VWF: variants seen among roughly 807,000 people sequenced by gnomAD.
VWF encodes the protein Factor VIII related antigen.
VWF carries 176 observed loss-of-function variants against 308.6 expected under a neutral mutation model. The observed-to-expected ratio is 0.57, with a 90% confidence interval of 0.50 to 0.65. The LOEUF is 0.65. Among genes scored for constraint, VWF ranks in the 30% least tolerant of loss-of-function variants. The probability of loss-of-function intolerance (pLI) is 0.00; values close to 1 mark genes in which losing one functional copy is unlikely to be tolerated. For missense variants in VWF, 3,146 were observed against 3,648.2 expected (o/e 0.86, Z 3.55); for synonymous variants, 1,385 against 1,443.4 (o/e 0.96, Z 0.92).
chr12:6,005,170 C>T (rs956755190), intron 34 of VWF, among the ~76,000 whole-genome samples: 8 of 152,012 alleles, frequency 5.3e-5, no homozygotes, highest in Non-Finnish European at 8.8e-5. Context: ...TAAAACATAC[C>T]ATAAAGCCTT....
intron 38 of VWF, 96 bp downstream of exon 38, chr12:5,991,723 G>T: frequency 7.3e-7 from 1 of 1,361,980 alleles, no homozygotes; most frequent in Non-Finnish European, 1.0e-6. Context: ...CAACCCTGCT[G>T]CCACAGTTGG....
At chr12:6,074,882 T>C (rs1030882393) in intron 7 of VWF, among the ~76,000 whole-genome samples, 2 of 151,890 alleles carry the variant, frequency 1.3e-5, no homozygotes, top group Non-Finnish European at 2.9e-5. Context: ...AGGAGAGAGA[T>C]TTAATAAAAG....
chr12:5,954,577 T>C (rs1216171704), intron 47 of VWF, among the ~76,000 whole-genome samples: 3 of 152,136 alleles, frequency 2.0e-5, no homozygotes, highest in African/African-American at 7.2e-5. Context: ...AGCAGACAGT[T>C]TGGAACTGCT....
rs1049624991 is a variant in VWF, at chr12:6,073,673, G to A, written c.943C>T (p.Leu315=). Residue 315 remains leucine, a synonymous_variant, in exon 8 of 52, where the codon CTG becomes TTG. Coordinates refer to ENST00000261405, the MANE Select transcript of VWF (RefSeq NM_000552.5). ...VSPCARTCQS[L]HINEMCQERC... ...TCCTGACACATTTCATTGATGTGCA[G>A]GCTCTGGCAGGTCCTGGCGCAAGGG... 8.7e-6 allele frequency: 14 copies of A among 1,614,120 alleles called. No individual in the cohort carries two copies. The South Asian group carries it at 1.4e-4, about 16-fold the overall frequency.
At chr12:6,032,847 G>A (rs1045022088) in intron 20 of VWF, among the ~76,000 whole-genome samples, 7 of 147,842 alleles carry the variant, frequency 4.7e-5, no homozygotes, top group Non-Finnish European at 1.0e-4. Flanking sequence ...CACATACACA[G>A]ATGCACACAC....
chr12:5,994,177 C>T lies in VWF; in HGVS notation c.6283G>A (p.Asp2095Asn). The T allele has an allele frequency of 6.2e-7, 1 of 1,614,082 alleles. No individual in the cohort carries two copies. The highest frequency in any genetic ancestry group is 1.1e-5 in the South Asian group (1 of 91,066). Residue 2095 changes from aspartate to asparagine, a missense_variant, in exon 37 of 52, where the codon GAC (aspartate) becomes AAC (asparagine). Asp to Asn is a conservative substitution (Grantham distance 23). Around this residue, in one of 3 missense-constraint regions of VWF, gnomAD observed 989 missense variants for 1,117.4 expected, o/e 0.89. Coordinates refer to ENST00000261405, the MANE Select transcript of VWF (RefSeq NM_000552.5). ...ACTGTGCCATCCCTCAGCATGAAGT[C>T]ATTGGCTCCGTTCTCATCACAGATC... ...CGICDENGAN[D>N]FMLRDGTVTT... is the part of the protein sequence containing the mutation.
intron 15 of VWF, among the ~76,000 whole-genome samples, chr12:6,055,759 T>C (rs1944570393): frequency 1.5e-5 from 1 of 66,258 alleles, no homozygotes; most frequent in Non-Finnish European, 3.3e-5. Context: ...TATATATATG[T>C]ATACACACAC....
At chr12:6,048,521 G>A (rs942513778) in intron 16 of VWF, among the ~76,000 whole-genome samples, 6 of 151,412 alleles carry the variant, frequency 4.0e-5, no homozygotes, top group Admixed American at 1.3e-4. Context: ...GGAGTGCAGC[G>A]GCATGATCTC....
intron 5 of VWF, among the ~76,000 whole-genome samples, chr12:6,100,381 C>A (rs1009463663): frequency 1.3e-5 from 2 of 148,836 alleles, no homozygotes; most frequent in African/African-American, 5.2e-5. Context: ...ACCCAGCCAT[C>A]CCATTACTGG....
At chr12:5,982,116 A>G (rs1161354103) in intron 41 of VWF, 125 bp from the exon 42 acceptor site, 1 of 851,810 alleles carries the variant, frequency 1.2e-6, no homozygotes, top group Non-Finnish European at 1.9e-6. Flanking sequence ...GTGAGGGCCA[A>G]GCTCACGGGC....
At chr12:6,008,169 A>C (rs1943950810) in intron 34 of VWF, among the ~76,000 whole-genome samples, 1 of 152,112 alleles carries the variant, frequency 6.6e-6, no homozygotes, top group Non-Finnish European at 1.5e-5. Flanking sequence ...TGGGAAACCT[A>C]CTTTATGAAG....
intron 5 of VWF, among the ~76,000 whole-genome samples, chr12:6,107,653 A>T (rs1030157416): frequency 1.3e-5 from 2 of 151,136 alleles, no homozygotes; most frequent in Admixed American, 6.6e-5. Flanking sequence ...AGAAAGATTC[A>T]ATATATATAT....
At chr12:6,043,712 G>A (rs979565871) in intron 18 of VWF, among the ~76,000 whole-genome samples, 1 of 152,210 alleles carries the variant, frequency 6.6e-6, no homozygotes, top group South Asian at 2.1e-4. Context: ...CGGCCTCCAT[G>A]CCTGTTTCAG....
At chr12:6,023,508 T>G in intron 25 of VWF, 123 bp downstream of exon 25, 1 of 1,437,082 alleles carries the variant, frequency 7.0e-7, no homozygotes, top group African/African-American at 1.4e-5. Flanking sequence ...GGCCATCCAG[T>G]CCCTACTAAC....
intron 37 of VWF, among the ~76,000 whole-genome samples, chr12:5,992,267 A>G (rs1201981239): frequency 2.0e-5 from 3 of 152,224 alleles, no homozygotes; most frequent in South Asian, 2.1e-4. Flanking sequence ...GTTCTGCCCA[A>G]TGAACTGTAA....
Position 6,016,291 on chromosome 12 carries a change from T to C in VWF, c.5312-59A>G. 2.5e-6 allele frequency: 4 copies of C among 1,612,528 alleles called. No individual in the cohort carries two copies. In the South Asian group the frequency reaches 4.4e-5, roughly 18 times the overall value. ...ACTGACTGCGGCTCGACACCCTGTC[T>C]TAACGGTGGATCCTTAAGTCACTTA... is the stretch of plus-strand genomic sequence containing the variant. On this transcript the variant is annotated intron_variant, in intron 30 of 51. Coordinates refer to ENST00000261405, the MANE Select transcript of VWF (RefSeq NM_000552.5).
At chr12:6,064,216 C>A in intron 12 of VWF, 30 bp downstream of exon 12, 1 of 1,613,958 alleles carries the variant, frequency 6.2e-7, no homozygotes, top group Non-Finnish European at 8.5e-7. Flanking sequence ...TGTGCCAGCC[C>A]CAGGCCTGAT....
intron 21 of VWF, 60 bp from the exon 22 acceptor site, chr12:6,029,548 C>T: frequency 3.7e-6 from 6 of 1,601,584 alleles, no homozygotes; most frequent in Non-Finnish European, 5.1e-6. Context: ...CAGCCAGATC[C>T]TCCCTCCACT....
At chr12:6,098,526 C>T (rs1945128090) in intron 5 of VWF, among the ~76,000 whole-genome samples, 1 of 152,136 alleles carries the variant, frequency 6.6e-6, no homozygotes, top group Non-Finnish European at 1.5e-5. Flanking sequence ...TGCTTGTAAT[C>T]CCAGCACTTT....
Sources: gnomAD v4.1 joint callset for allele counts (sites outside exome capture counted in the v4.1 genomes callset) on GRCh38, gnomAD v4.1.1 for gene constraint, gnomAD v4.1.1 regional missense constraint, MANE v1.5 for transcripts, NCBI Gene and HGNC (gene_info 2026-07-23, HGNC 2026-07-21) for gene names.